Variants in GGACT observed in about 807,000 individuals in gnomAD.
GGACT encodes the protein gamma-glutamylaminecyclotransferase.
For synonymous variants in GGACT, 118 were observed against 115.3 expected (o/e 1.02, Z -0.15); for missense variants, 241 against 233.2 (o/e 1.03, Z -0.22).
chr13:100,556,654 G>C (rs991798291), intron 2 of GGACT, among the ~76,000 whole-genome samples: 3 of 151,974 alleles, frequency 2.0e-5, no homozygotes, highest in Non-Finnish European at 4.4e-5. Flanking sequence ...AACTTAAAGA[G>C]TGTAACTGGA....
At chr13:100,550,049 G>C (rs1052030559) in intron 2 of GGACT, among the ~76,000 whole-genome samples, 1 of 152,094 alleles carries the variant, frequency 6.6e-6, no homozygotes, top group African/African-American at 2.4e-5. Flanking sequence ...CAACTACAAG[G>C]AAGAAGGGAG....
In GGACT at chr13:100,534,869, CCT is replaced by C. The variant is rs2088469241; in HGVS notation, c.-10-2270_-10-2269del. Among the ~76,000 whole-genome samples the C allele has an allele frequency of 6.6e-6, 1 of 152,232 alleles. No individual in the cohort carries two copies. The highest frequency in any genetic ancestry group is 2.4e-5 in the African/African-American group (1 of 41,462). ...AACTCTCCCACCTCATCTCCTGCAC[CCT>C]CTCTCCCCTCATCCAGGTGGCTCCT... is the stretch of plus-strand genomic sequence containing the variant. On this transcript the variant is annotated intron_variant, in intron 2 of 2. Transcript: ENST00000683975. This position sits in a 1 kb window ranked among gnomAD's most constrained non-coding sequence, Gnocchi z 4.9.
At chr13:100,566,084 G>A (rs569943764) in intron 2 of GGACT, among the ~76,000 whole-genome samples, 13 of 152,338 alleles carry the variant, frequency 8.5e-5, no homozygotes, top group African/African-American at 2.9e-4. Flanking sequence ...TGTCAGGGAA[G>A]TGAGCTCCAG....
intron 2 of GGACT, among the ~76,000 whole-genome samples, chr13:100,569,210 G>A (rs1000428931): frequency 6.6e-6 from 1 of 152,252 alleles, no homozygotes. Flanking sequence ...CTGTGTGGGG[G>A]CTTCAACCCC....
rs1312172896 is a variant in GGACT, at chr13:100,531,520, CGTG to C, written c.*607_*609del. On this transcript the variant is annotated 3_prime_UTR_variant, in exon 3 of 3. Coordinates refer to ENST00000683975, the MANE Select transcript of GGACT (RefSeq NM_001195087.2). ...TCTACCAAATAAGTATACCAAAAAA[CGTG>C]GGGGTCAAACACAGTACCAACACTT... The C allele has an allele frequency of 6.6e-6, 1 of 152,168 alleles. No homozygotes were observed. The highest frequency in any genetic ancestry group is 1.5e-5 in the Non-Finnish European group (1 of 68,024). The allele number at this position is 152,168 out of a possible 1,614,324, so 9.4% of individuals were successfully genotyped here.
intron 2 of GGACT, among the ~76,000 whole-genome samples, chr13:100,547,588 C>T (rs956254660): frequency 6.6e-6 from 1 of 152,224 alleles, no homozygotes; most frequent in Non-Finnish European, 1.5e-5. Flanking sequence ...GGCTTCATAG[C>T]CCCGAATCAG....
At chr13:100,582,239 C>T (rs1461572456) in intron 2 of GGACT, among the ~76,000 whole-genome samples, 3 of 152,122 alleles carry the variant, frequency 2.0e-5, no homozygotes, top group Non-Finnish European at 4.4e-5. Context: ...ATAAATCTGA[C>T]CATAACTTCC....
At chr13:100,546,906 C>T (rs1334941712) in intron 2 of GGACT, among the ~76,000 whole-genome samples, 5 of 152,196 alleles carry the variant, frequency 3.3e-5, no homozygotes. Context: ...CCTTCTCTTC[C>T]TTTCACCCCC....
chr13:100,537,449 G>T (rs2088506383), intron 2 of GGACT: 1 of 152,384 alleles, frequency 6.6e-6, no homozygotes, highest in Non-Finnish European at 1.5e-5. Flanking sequence ...GAAAGAACTT[G>T]CTCTTCCTGC....
At chr13:100,557,552 C>T (rs2153014840) in intron 2 of GGACT, among the ~76,000 whole-genome samples, 1 of 152,182 alleles carries the variant, frequency 6.6e-6, no homozygotes, top group East Asian at 1.9e-4. Flanking sequence ...GGTGCTGGAA[C>T]AACTGCATAT....
chr13:100,587,702 A>T (rs1875621508), intron 1 of GGACT, among the ~76,000 whole-genome samples: 1 of 152,220 alleles, frequency 6.6e-6, no homozygotes, highest in African/African-American at 2.4e-5. Flanking sequence ...TTCTCCTGGG[A>T]CATTTAGCAA....
chr13:100,573,234 G>A (rs1399241861), intron 2 of GGACT, among the ~76,000 whole-genome samples: 1 of 152,060 alleles, frequency 6.6e-6, no homozygotes, highest in Non-Finnish European at 1.5e-5. Flanking sequence ...CTGCCACCAG[G>A]GGGCAGCAGC....
chr13:100,569,974 T>C (rs1389631340), intron 2 of GGACT, among the ~76,000 whole-genome samples: 1 of 152,250 alleles, frequency 6.6e-6, no homozygotes, highest in Non-Finnish European at 1.5e-5. Context: ...CTGGACTTTA[T>C]TGTCCATGCT....
rs548386683 is a variant in GGACT, at chr13:100,571,028, A to G, written c.-11+12797T>C. Among the ~76,000 whole-genome samples, 5 of 152,304 alleles carry G rather than the reference A, an allele frequency of 3.3e-5. No individual in the cohort carries two copies. The South Asian group carries it at 8.3e-4, about 25-fold the overall frequency. ...TAGCCCTTGAGCTGTGTGAAAACAC[A>G]GTGCCAGAATGGATCAAAGCTCCAG... is the stretch of plus-strand genomic sequence containing the variant. On this transcript the variant is annotated intron_variant, in intron 2 of 2. Transcript: ENST00000683975.
At chr13:100,533,692 G>A (rs563571790) in intron 2 of GGACT, 65 of 152,336 alleles carry the variant, frequency 4.3e-4, no homozygotes, top group African/African-American at 1.5e-3. Flanking sequence ...AGAGGGCAGT[G>A]GTGCTTCACG....
In GGACT at chr13:100,550,299, T is replaced by TACACACAC. The variant is rs755235689; in HGVS notation, c.-10-17706_-10-17699dup. Among the ~76,000 whole-genome samples the TACACACAC allele has an allele frequency of 1.4e-3, 37 of 27,266 alleles. 3 individuals are homozygous for TACACACAC. The highest frequency in any genetic ancestry group is 2.0e-3 in the Non-Finnish European group (30 of 15,106). 17.9% of individuals were successfully genotyped at this position (27,266 alleles called of 152,430 possible). On this transcript the variant is annotated intron_variant, in intron 2 of 2. Coordinates refer to ENST00000683975, the MANE Select transcript of GGACT (RefSeq NM_001195087.2). Reference sequence around the variant, plus strand: ...AATTAAATCCGAGCCGATTATACTCTACACACACACACACACACACACACA... The same window carrying TACACACAC: ...AATTAAATCCGAGCCGATTATACTCTACACACACACACACACACACACACACACACACA...
rs578252665 is a variant in GGACT at position 100,554,499 on chromosome 13, T to C, written c.-10-21898A>G. ...TGGATTCTGATTTGAAGATATGACCTATACACAATGACATTTTTGAGACAC... is the reference window on the plus strand; with the variant it reads ...TGGATTCTGATTTGAAGATATGACCCATACACAATGACATTTTTGAGACAC... On this transcript the variant is annotated intron_variant, in intron 2 of 2. Coordinates refer to ENST00000683975, the MANE Select transcript of GGACT (RefSeq NM_001195087.2). 1.1e-3 allele frequency among the ~76,000 whole-genome samples: 173 copies of C among 152,304 alleles called. 1 individual carries two copies. Among genetic ancestry groups the C allele is most frequent in the African/African-American group, 2.9e-3 (121 of 41,560 alleles).
At chr13:100,577,809 G>C (rs374408909) in intron 2 of GGACT, among the ~76,000 whole-genome samples, 200 of 152,092 alleles carry the variant, frequency 1.3e-3, no homozygotes, top group African/African-American at 4.6e-3. Context: ...AGGGGAGAAG[G>C]AAAGTAGGGA....
Position 100,532,430 on chromosome 13 carries a change from C to T in GGACT, c.162G>A (p.Leu54=). 1 of 1,549,982 alleles carries T rather than the reference C, an allele frequency of 6.5e-7. No individual in the cohort carries two copies. The highest frequency in any genetic ancestry group is 2.4e-5 in the East Asian group (1 of 40,912). The part of the protein sequence containing the change: ...IAGEHNIPWL[L]HLPGSGRLVE... ...CGAGGCGCCCCGAGCCGGGCAGGTG[C>T]AGCAGCCACGGGATGTTGTGCTCCC... is the stretch of plus-strand genomic sequence containing the variant. Residue 54 remains leucine (L), a synonymous_variant, in exon 3 of 3, where the codon CTG becomes CTA. Coordinates refer to ENST00000683975, the MANE Select transcript of GGACT (RefSeq NM_001195087.2).
Sources: gnomAD v4.1 joint callset for allele counts (sites outside exome capture counted in the v4.1 genomes callset) on GRCh38, gnomAD v4.1.1 for gene constraint, Gnocchi (gnomAD v3.1) non-coding constraint, MANE v1.5 for transcripts, NCBI Gene and HGNC (gene_info 2026-07-23, HGNC 2026-07-21) for gene names.